FSHR: variants seen among roughly 807,000 people sequenced by gnomAD.
FSHR encodes follicle stimulating hormone receptor.
Under a neutral mutation model 52.1 loss-of-function variants are expected in FSHR, and 46 were observed. That is an observed-to-expected ratio of 0.88 (90% CI 0.70 to 1.13). FSHR has a LOEUF of 1.13. Among genes scored for constraint, FSHR ranks in the 50% most tolerant of loss-of-function variants. The pLI is 0.00. For missense variants in FSHR, 964 were observed against 834.6 expected, an observed-to-expected ratio of 1.16 and a Z score of -1.91; for synonymous variants, 399 against 309.6, an observed-to-expected ratio of 1.29 and a Z score of -3.03.
chr2:48,983,468 A>G (rs1014946792), intron 6 of FSHR, among the ~76,000 whole-genome samples: 2 of 152,260 alleles, frequency 1.3e-5, no homozygotes, highest in Admixed American at 6.5e-5. Context: ...GTCTTTACAC[A>G]CATCATTTGT....
chr2:49,150,665 A>G (rs1673029647), intron 1 of FSHR, among the ~76,000 whole-genome samples: 2 of 151,656 alleles, frequency 1.3e-5, no homozygotes, highest in Admixed American at 6.6e-5. Flanking sequence ...TAAACACTAT[A>G]CTCCACCATC....
At chr2:49,127,886 C>T (rs1572781935) in intron 1 of FSHR, among the ~76,000 whole-genome samples, 12 of 33,946 alleles carry the variant, frequency 3.5e-4, no homozygotes, top group East Asian at 1.6e-3. Flanking sequence ...TCTTCTTCTT[C>T]TTCTTCTTCT....
chr2:49,090,165 G>C (rs1670553026), intron 1 of FSHR, among the ~76,000 whole-genome samples: 1 of 151,744 alleles, frequency 6.6e-6, no homozygotes, highest in African/African-American at 2.4e-5. Flanking sequence ...ATGTGTGTGT[G>C]TAAAATTCTA....
intron 2 of FSHR, among the ~76,000 whole-genome samples, chr2:49,039,691 A>T (rs1464702564): frequency 6.6e-6 from 1 of 152,152 alleles, no homozygotes; most frequent in Non-Finnish European, 1.5e-5. Context: ...TGATCTCTGA[A>T]TTCTTCCTTG....
chr2:49,025,605 C>A lies in FSHR; in HGVS notation c.225-5445G>T, dbSNP rs555750097. Among the ~76,000 whole-genome samples the A allele has an allele frequency of 4.3e-4, 66 of 152,030 alleles. No individual in the cohort carries two copies. In the Middle Eastern group the frequency reaches 0.027, roughly 63 times the overall value. On this transcript the variant is annotated intron_variant, in intron 2 of 9. Transcript: ENST00000406846. ...GTGAAAATTCCCATGAAAATATGTTCCAGAAAATTTCATAAAACTCTCTTT... is the reference window on the plus strand; with the variant it reads ...GTGAAAATTCCCATGAAAATATGTTACAGAAAATTTCATAAAACTCTCTTT...
chr2:49,071,025 G>A (rs1190913542), intron 1 of FSHR, among the ~76,000 whole-genome samples: 1 of 152,072 alleles, frequency 6.6e-6, no homozygotes. Flanking sequence ...GAACTTGGAG[G>A]CTAAGGGATT....
rs374544061 is a variant in FSHR at position 49,068,299 on chromosome 2, A to G, written c.153-9T>C. 1.8e-5 allele frequency: 29 copies of G among 1,608,910 alleles called. No individual in the cohort carries two copies. The African/African-American group carries it at 3.9e-4, about 22-fold the overall frequency. The stretch of plus-strand genomic sequence containing the variant: ...TGGTGAGGACAAACCTCCTGCAAAG[A>G]GAGTAGAAATAAAATATCACAACCT... On this transcript the variant is annotated splice_polypyrimidine_tract_variant and intron_variant, in intron 1 of 9. Coordinates refer to ENST00000406846, the MANE Select transcript of FSHR (RefSeq NM_000145.4).
At chr2:49,132,996 G>T (rs1445950669) in intron 1 of FSHR, among the ~76,000 whole-genome samples, 1 of 72,674 alleles carries the variant, frequency 1.4e-5, no homozygotes, top group Admixed American at 1.4e-4. Context: ...AAAAAAAAAA[G>T]GCAAGTTTGT....
intron 1 of FSHR, among the ~76,000 whole-genome samples, chr2:49,109,629 G>C (rs983720878): frequency 1.3e-5 from 2 of 152,096 alleles, no homozygotes; most frequent in African/African-American, 2.4e-5. Flanking sequence ...GACATACTGA[G>C]AGCTGGTCAA....
chr2:48,975,685 T>A (rs1181667909), intron 8 of FSHR, among the ~76,000 whole-genome samples: 1 of 152,202 alleles, frequency 6.6e-6, no homozygotes, highest in East Asian at 1.9e-4. Context: ...ACAGTTCTCC[T>A]TGAAGAGGTC....
At chr2:48,973,266 A>T (rs10181628) in intron 8 of FSHR, among the ~76,000 whole-genome samples, 1 of 151,016 alleles carries the variant, frequency 6.6e-6, no homozygotes, top group Non-Finnish European at 1.5e-5. Flanking sequence ...ACACACACAC[A>T]CACATGCACA....
Position 48,963,978 on chromosome 2 carries a change from C to A in FSHR, c.855-12G>T, listed in dbSNP as rs775107650. ...GATGAAGCTCAGAGCTAGAAAAATA[C>A]AAAAAGAAATAGAATCAACATCTCA... On this transcript the variant is annotated splice_polypyrimidine_tract_variant and intron_variant, in intron 9 of 9. Coordinates refer to ENST00000406846, the MANE Select transcript of FSHR (RefSeq NM_000145.4). 4 of 1,609,636 alleles carry A rather than the reference C, an allele frequency of 2.5e-6. No individual in the cohort carries two copies. The highest frequency in any genetic ancestry group is 3.3e-5 in the Admixed American group (2 of 59,964).
chr2:49,144,080 G>C (rs191167881), intron 1 of FSHR, among the ~76,000 whole-genome samples: 10 of 152,182 alleles, frequency 6.6e-5, no homozygotes, highest in Admixed American at 5.9e-4. Flanking sequence ...AGGATGCCAG[G>C]TGCCACTTAC....
intron 1 of FSHR, among the ~76,000 whole-genome samples, chr2:49,079,328 C>G (rs776363975): frequency 1.3e-5 from 2 of 152,014 alleles, no homozygotes; most frequent in Non-Finnish European, 2.9e-5. Context: ...AAATTGAAGG[C>G]AAAACCCATC....
At chr2:49,101,905 G>A (rs1289055346) in intron 1 of FSHR, among the ~76,000 whole-genome samples, 1 of 152,122 alleles carries the variant, frequency 6.6e-6, no homozygotes, top group Non-Finnish European at 1.5e-5. Flanking sequence ...AGGACTGAGT[G>A]TGCTAGCTCA....
chr2:49,056,445 AATATATATATATATATATATATAT>A (rs70946848), intron 2 of FSHR, among the ~76,000 whole-genome samples: 57,785 of 128,874 alleles, frequency 0.45, 12,665 homozygotes, highest in Middle Eastern at 0.58. Flanking sequence ...TTACAATTGG[AATATATATATATATATATATATAT>A]ATATATATAT....
chr2:49,079,638 G>A (rs1670093422), intron 1 of FSHR, among the ~76,000 whole-genome samples: 1 of 152,024 alleles, frequency 6.6e-6, no homozygotes, highest in Non-Finnish European at 1.5e-5. Flanking sequence ...AAAATCAGTG[G>A]TGGACAATAT....
Position 49,083,047 on chromosome 2 carries a change from ATTCACCAAAG to A in FSHR, c.153-14767_153-14758del, listed in dbSNP as rs1356403370. On this transcript the variant is annotated intron_variant, in intron 1 of 9. Transcript: ENST00000406846. Reference sequence around the variant, plus strand: ...CAACTCCAAGATACATAATTGTCAGATTCACCAAAGTTGAAATGAAGGAAAAAATGTTAAG... The same window carrying A: ...CAACTCCAAGATACATAATTGTCAGATTGAAATGAAGGAAAAAATGTTAAG... 1.2e-4 allele frequency among the ~76,000 whole-genome samples: 18 copies of A among 151,234 alleles called. No individual in the cohort carries two copies. The East Asian group carries it at 3.3e-3, about 28-fold the overall frequency.
intron 2 of FSHR, among the ~76,000 whole-genome samples, chr2:49,050,355 A>G (rs1236847186): frequency 2.0e-5 from 3 of 152,170 alleles, no homozygotes; most frequent in African/African-American, 7.2e-5. Context: ...CTCCAAGAAG[A>G]GGTTTCCTTC....
Sources: gnomAD v4.1 joint callset for allele counts (sites outside exome capture counted in the v4.1 genomes callset) on GRCh38, gnomAD v4.1.1 for gene constraint, MANE v1.5 for transcripts, NCBI Gene and HGNC (gene_info 2026-07-23, HGNC 2026-07-21) for gene names.